Variants in RPH3A observed in about 807,000 individuals in gnomAD.
RPH3A encodes rabphilin-3A.
In RPH3A, 48 loss-of-function variants were observed where a neutral mutation model predicts 102.2. The ratio of observed to expected loss-of-function variants is 0.47; its 90% CI spans 0.37 to 0.60. The LOEUF (loss-of-function observed/expected upper bound fraction) is 0.60. Ranked by LOEUF, RPH3A falls within the 20% of genes least tolerant of loss-of-function variation. The pLI, the probability that RPH3A is intolerant of heterozygous loss-of-function variation, is 0.00. For synonymous variants in RPH3A, 310 were observed against 324.3 expected, an observed-to-expected ratio of 0.96 and a Z score of 0.47; for missense variants, 781 against 910.1, an observed-to-expected ratio of 0.86 and a Z score of 1.83.
chr12:112,839,251 T>C (rs555360981), intron 4 of RPH3A, among the ~76,000 whole-genome samples: 1 of 152,304 alleles, frequency 6.6e-6, no homozygotes, highest in South Asian at 2.1e-4. Flanking sequence ...ACAACTGGAA[T>C]TTAACATAAT....
At chr12:112,879,744 C>T (rs2042874271) in intron 14 of RPH3A, among the ~76,000 whole-genome samples, 1 of 152,210 alleles carries the variant, frequency 6.6e-6, no homozygotes, top group Non-Finnish European at 1.5e-5. Context: ...GAAGCCAGTG[C>T]AAACCCCAGA....
intron 3 of RPH3A, 90 bp downstream of exon 3, chr12:112,828,479 C>G: frequency 1.0e-6 from 1 of 955,910 alleles, no homozygotes; most frequent in East Asian, 2.6e-5. Context: ...GAATAGCTTC[C>G]TTCCCTGAGG....
intron 5 of RPH3A, among the ~76,000 whole-genome samples, chr12:112,862,376 G>T (rs1157878707): frequency 1.3e-5 from 2 of 152,164 alleles, no homozygotes; most frequent in African/African-American, 4.8e-5. Context: ...TTGCACTCTG[G>T]CCTGGATGGC....
chr12:112,694,643 C>T (rs891221299), intron 1 of RPH3A, among the ~76,000 whole-genome samples: 45 of 116,036 alleles, frequency 3.9e-4, no homozygotes, highest in South Asian at 2.5e-3. Context: ...CGCGCGCGCG[C>T]GCACACGCAC....
At chr12:112,643,734 G>A (rs1018161552) in intron 1 of RPH3A, among the ~76,000 whole-genome samples, 2 of 152,228 alleles carry the variant, frequency 1.3e-5, no homozygotes, top group Admixed American at 6.5e-5. Flanking sequence ...GTTGGGAGGT[G>A]AGACAGGGAG....
intron 12 of RPH3A, 84 bp from the exon 13 acceptor site, chr12:112,876,558 C>A: frequency 2.0e-6 from 2 of 982,164 alleles, no homozygotes; most frequent in Non-Finnish European, 3.0e-6. Flanking sequence ...AGCCAGGAAT[C>A]CGCATCTTTT....
chr12:112,677,371 T>C (rs191428311), intron 1 of RPH3A, among the ~76,000 whole-genome samples: 428 of 11,186 alleles, frequency 0.038, 30 homozygotes, highest in African/African-American at 0.057. Flanking sequence ...CCCTCCCTCC[T>C]TCCCTTCCTC....
intron 1 of RPH3A, among the ~76,000 whole-genome samples, chr12:112,676,071 G>A (rs1327963918): frequency 6.6e-6 from 1 of 152,104 alleles, no homozygotes; most frequent in Non-Finnish European, 1.5e-5. Flanking sequence ...ACTCCTGTGA[G>A]GAAATCTGTC....
At chr12:112,770,414 T>G (rs951580731) in intron 1 of RPH3A, among the ~76,000 whole-genome samples, 1 of 152,134 alleles carries the variant, frequency 6.6e-6, no homozygotes, top group African/African-American at 2.4e-5. Context: ...GGCGAGATCT[T>G]GGCTCACTAC....
chr12:112,875,081 C>T lies in RPH3A; in HGVS notation c.797-3C>T, dbSNP rs755605073. ...TGGCTGTTTTCTTTTCTTTCCTCTGCAGGTTTGAGACGGGCCAACTCAGTC... is the reference window on the plus strand; with the variant it reads ...TGGCTGTTTTCTTTTCTTTCCTCTGTAGGTTTGAGACGGGCCAACTCAGTC... On this transcript the variant is annotated splice_region_variant and splice_polypyrimidine_tract_variant and intron_variant, in intron 10 of 21. Transcript: ENST00000389385. The T allele has an allele frequency of 4.4e-6, 7 of 1,604,888 alleles. No individual in the cohort carries two copies. In the Admixed American group the frequency reaches 6.8e-5, roughly 16 times the overall value.
intron 7 of RPH3A, 61 bp downstream of exon 7, chr12:112,866,901 G>A: frequency 3.0e-6 from 4 of 1,353,810 alleles, no homozygotes; most frequent in Non-Finnish European, 4.2e-6. Flanking sequence ...AGCTTAAGAG[G>A]TGCCTTAAGA....
chr12:112,613,382 A>G (rs1378013211), intron 1 of RPH3A, among the ~76,000 whole-genome samples: 1 of 152,126 alleles, frequency 6.6e-6, no homozygotes, highest in East Asian at 1.9e-4. Context: ...CTCTGCAGTT[A>G]GACCTGGAGA....
chr12:112,767,379 G>A (rs897874687), intron 1 of RPH3A, among the ~76,000 whole-genome samples: 3 of 152,134 alleles, frequency 2.0e-5, no homozygotes, highest in South Asian at 2.1e-4. Flanking sequence ...GTCTTATCTG[G>A]CATCACCCAG....
At chr12:112,840,013 T>C (rs964381304) in intron 4 of RPH3A, among the ~76,000 whole-genome samples, 3 of 151,968 alleles carry the variant, frequency 2.0e-5, no homozygotes, top group Non-Finnish European at 4.4e-5. Context: ...GAAAAGAAGA[T>C]AGACCCTGAC....
At chr12:112,822,306 A>G (rs2041795277) in intron 2 of RPH3A, among the ~76,000 whole-genome samples, 2 of 152,260 alleles carry the variant, frequency 1.3e-5, no homozygotes, top group African/African-American at 2.4e-5. Context: ...CCACGCAGAC[A>G]GCTGCAGCTC....
intron 5 of RPH3A, among the ~76,000 whole-genome samples, chr12:112,855,895 CAG>C (rs1263706239): frequency 6.7e-5 from 10 of 149,930 alleles, no homozygotes; most frequent in Non-Finnish European, 8.9e-5. Flanking sequence ...GTGTGAGAGA[CAG>C]AGAGAGAGAG....
At chr12:112,861,887 C>A (rs1160012140) in intron 5 of RPH3A, among the ~76,000 whole-genome samples, 1 of 151,940 alleles carries the variant, frequency 6.6e-6, no homozygotes, top group Non-Finnish European at 1.5e-5. Flanking sequence ...ATGGTGGGCG[C>A]CTGTAGTCCC....
Position 112,713,002 on chromosome 12 carries a change from TTCCTCTTCC to T in RPH3A, c.-139-79138_-139-79130del, listed in dbSNP as rs1321339166. ...CTTCTTCGTCGTCTTTGTCTTCCTCTTCCTCTTCCTCTTCCTCTTCCTCTTCTTCTTCTT... is the reference window on the plus strand; with the variant it reads ...CTTCTTCGTCGTCTTTGTCTTCCTCTTCTTCCTCTTCCTCTTCTTCTTCTT... On this transcript the variant is annotated intron_variant, in intron 1 of 21. Coordinates refer to the RPH3A transcript ENST00000543106. Among the ~76,000 whole-genome samples the T allele has an allele frequency of 1.9e-3, 168 of 87,362 alleles. 8 individuals carry two copies. The highest frequency in any genetic ancestry group is 4.7e-3 in the Middle Eastern group (1 of 214). The allele number at this position is 87,362 out of a possible 152,430, so 57.3% of individuals were successfully genotyped here. A position where few individuals can be genotyped will look rare whatever the true frequency, so the allele number is the denominator to read the frequency against.
chr12:112,822,034 G>A (rs1301370462), intron 2 of RPH3A, among the ~76,000 whole-genome samples: 7 of 151,390 alleles, frequency 4.6e-5, no homozygotes, highest in African/African-American at 1.7e-4. Context: ...TTCTGTTCAT[G>A]GACACTCGTG....
Sources: allele counts gnomAD v4.1 joint callset (sites outside exome capture counted in the v4.1 genomes callset), GRCh38; gene constraint gnomAD v4.1.1; transcripts MANE v1.5; gene names NCBI Gene and HGNC (gene_info 2026-07-23, HGNC 2026-07-21).